MYO1H: variants seen among roughly 807,000 people sequenced by gnomAD.
MYO1H encodes the protein unconventional myosin-Ih.
MYO1H carries 118 observed loss-of-function variants against 149.3 expected under a neutral mutation model. That is an observed-to-expected ratio of 0.79 (90% CI 0.68 to 0.92). The LOEUF (loss-of-function observed/expected upper bound fraction) is 0.92. Among genes scored for constraint, MYO1H ranks in the 40% least tolerant of loss-of-function variants. The pLI, the probability that MYO1H is intolerant of heterozygous loss-of-function variation, is 0.00. For synonymous variants in MYO1H, 447 were observed against 465.2 expected (o/e 0.96, Z 0.50); for missense variants, 1,212 against 1,280.7 (o/e 0.95, Z 0.82).
At chr12:109,350,499 T>C (rs1347410222) in intron 1 of MYO1H, among the ~76,000 whole-genome samples, 1 of 152,166 alleles carries the variant, frequency 6.6e-6, no homozygotes, top group Non-Finnish European at 1.5e-5. Context: ...GAGGCATGGC[T>C]TTCACCTTCC....
chr12:109,402,456 G>A (rs1870206668), intron 6 of MYO1H, among the ~76,000 whole-genome samples: 1 of 152,112 alleles, frequency 6.6e-6, no homozygotes, highest in South Asian at 2.1e-4. Context: ...AAGAAGCCTT[G>A]ACAAAAGTTC....
At chr12:109,428,389 A>G (rs1198949311) in intron 19 of MYO1H, among the ~76,000 whole-genome samples, 1 of 152,154 alleles carries the variant, frequency 6.6e-6, no homozygotes, top group Admixed American at 6.5e-5. Flanking sequence ...TCATTCTCTT[A>G]TAGCTGTGAC....
chr12:109,440,599 C>T (rs1872075170), intron 24 of MYO1H, 145 bp from the exon 25 acceptor site: 2 of 645,868 alleles, frequency 3.1e-6, no homozygotes, highest in Non-Finnish European at 2.7e-6. Flanking sequence ...AGGTTAGCTG[C>T]TGTGACTATA....
chr12:109,427,909 A>AAAAAAT (rs1555254298), intron 19 of MYO1H, among the ~76,000 whole-genome samples: 1 of 16,422 alleles, frequency 6.1e-5, no homozygotes, highest in Non-Finnish European at 1.0e-4. Context: ...AAAAAAAAAA[A>AAAAAAT]ATATATATAT....
rs746268798 is a variant in MYO1H at position 109,436,480 on chromosome 12, A to T, written c.2141-8A>T. On this transcript the variant is annotated splice_region_variant and splice_polypyrimidine_tract_variant and intron_variant, in intron 21 of 31. Coordinates refer to ENST00000310903, the Ensembl canonical transcript of MYO1H. ...GCCATTTCACCAAAACGTCTGTTTT[A>T]TTTTAAGTTGCAAGAATCCAAGCCA... 3 of 1,606,346 alleles carry T rather than the reference A, an allele frequency of 1.9e-6. No individual in the cohort carries two copies. The highest frequency in any genetic ancestry group is 2.6e-6 in the Non-Finnish European group (3 of 1,175,700).
At chr12:109,381,758 G>A (rs965954004) in intron 1 of MYO1H, among the ~76,000 whole-genome samples, 4 of 152,102 alleles carry the variant, frequency 2.6e-5, no homozygotes, top group East Asian at 1.9e-4. Flanking sequence ...CCCAGAAGGC[G>A]GAGGTTGCAG....
chr12:109,387,346 C>A (rs1272426153), intron 1 of MYO1H, among the ~76,000 whole-genome samples: 1 of 152,184 alleles, frequency 6.6e-6, no homozygotes, highest in African/African-American at 2.4e-5. Flanking sequence ...GAGACGCAGT[C>A]TTATTAAACA....
intron 1 of MYO1H, among the ~76,000 whole-genome samples, chr12:109,356,496 C>T (rs184110259): frequency 6.6e-4 from 100 of 152,126 alleles, no homozygotes; most frequent in African/African-American, 2.1e-3. Context: ...GAATATATAT[C>T]CTCTATTTAA....
intron 1 of MYO1H, among the ~76,000 whole-genome samples, chr12:109,382,890 A>T (rs1210303620): frequency 3.5e-5 from 5 of 142,954 alleles, no homozygotes; most frequent in African/African-American, 1.2e-4. Flanking sequence ...TAAAATAATG[A>T]TATATATAAA....
At chr12:109,351,606 A>T (rs192655214) in intron 1 of MYO1H, among the ~76,000 whole-genome samples, 108 of 152,276 alleles carry the variant, frequency 7.1e-4, no homozygotes, top group Admixed American at 3.3e-3. Flanking sequence ...ACCTTCTATA[A>T]TGCCTTGCAC....
intron 1 of MYO1H, among the ~76,000 whole-genome samples, chr12:109,375,850 G>GTGCC (rs1332215688): frequency 1.3e-5 from 2 of 152,144 alleles, no homozygotes; most frequent in Non-Finnish European, 2.9e-5. Flanking sequence ...GTGGTGATGA[G>GTGCC]TGCCTGTGGC....
chr12:109,335,484 G>C, the MYO1H span, among the ~76,000 whole-genome samples: 1 of 151,984 alleles, frequency 6.6e-6, no homozygotes, highest in Non-Finnish European at 1.5e-5. Context: ...TGAAATTTGG[G>C]TGGGGACACC....
At chr12:109,423,521 G>A (rs1163515654) in intron 16 of MYO1H, among the ~76,000 whole-genome samples, 2 of 152,146 alleles carry the variant, frequency 1.3e-5, no homozygotes, top group Admixed American at 6.6e-5. Flanking sequence ...ACATGGTTGC[G>A]CAGTTGATCT....
chr12:109,441,477 TTC>T, intron 25 of MYO1H, 136 bp from the exon 26 acceptor site: 1 of 526,448 alleles, frequency 1.9e-6, no homozygotes, highest in Non-Finnish European at 3.4e-6. Context: ...CAGGAAGGTG[TTC>T]TGACTTGTAT....
chr12:109,350,402 G>A (rs191524753), intron 1 of MYO1H, among the ~76,000 whole-genome samples: 1 of 152,278 alleles, frequency 6.6e-6, no homozygotes, highest in African/African-American at 2.4e-5. Flanking sequence ...CTGTTCTCAT[G>A]GTAGTGAATA....
At chr12:109,437,339 T>C (rs1356810400) in intron 22 of MYO1H, among the ~76,000 whole-genome samples, 1 of 152,198 alleles carries the variant, frequency 6.6e-6, no homozygotes, top group Non-Finnish European at 1.5e-5. Flanking sequence ...TAATTTAGCA[T>C]GTTTTAAACT....
Position 109,420,252 on chromosome 12 carries a change from G to A in MYO1H, c.1598-729G>A, listed in dbSNP as rs528269645. Among the ~76,000 whole-genome samples, 13 of 152,270 alleles carry A rather than the reference G, an allele frequency of 8.5e-5. No individual in the cohort carries two copies. In the East Asian group the frequency reaches 1.7e-3, roughly 20 times the overall value. The stretch of plus-strand genomic sequence containing the variant: ...GGATTGAGTATAGCATTTGTGCCAC[G>A]AGTTCAGTTCTGAGGACCTGGTTCT... On this transcript the variant is annotated intron_variant, in intron 15 of 31. Transcript: ENST00000310903.
chr12:109,431,993 T>A (rs1355454810), intron 19 of MYO1H, among the ~76,000 whole-genome samples: 7 of 37,452 alleles, frequency 1.9e-4, no homozygotes, highest in African/African-American at 6.8e-4. Flanking sequence ...AAAAAAAAAA[T>A]TTTTTTTTTT....
chr12:109,401,054 G>T, intron 5 of MYO1H, 39 bp from the exon 6 acceptor site: 2 of 1,591,630 alleles, frequency 1.3e-6, no homozygotes, highest in South Asian at 2.2e-5. Context: ...AGAGTGGTTT[G>T]ATTGTTGTCA....
Sources: gnomAD v4.1 joint callset for allele counts (sites outside exome capture counted in the v4.1 genomes callset) on GRCh38, gnomAD v4.1.1 for gene constraint, MANE v1.5 for transcripts, NCBI Gene and HGNC (gene_info 2026-07-23, HGNC 2026-07-21) for gene names.